Variants in ZFAT observed in about 807,000 individuals in gnomAD.
ZFAT encodes the protein zinc finger protein ZFAT.
A neutral mutation model predicts 117.7 loss-of-function variants in ZFAT; 64 were observed. That is an observed-to-expected ratio of 0.54 (90% CI 0.44 to 0.67). The LOEUF (loss-of-function observed/expected upper bound fraction) is 0.67, where lower values mean the gene tolerates loss of function less well. Among genes scored for constraint, ZFAT ranks in the 30% least tolerant of loss-of-function variants. ZFAT has a pLI of 0.00. For synonymous variants in ZFAT, 679 were observed against 615.0 expected, an observed-to-expected ratio of 1.10 and a Z score of -1.54; for missense variants, 1,433 against 1,584.5, an observed-to-expected ratio of 0.90 and a Z score of 1.62.
chr8:134,633,069 G>A (rs373458039), intron 3 of ZFAT, among the ~76,000 whole-genome samples: 17 of 151,818 alleles, frequency 1.1e-4, no homozygotes, highest in African/African-American at 2.2e-4. Flanking sequence ...ATACGTATGC[G>A]CGTCAAAATG....
At chr8:134,755,618 C>G in the ZFAT span, among the ~76,000 whole-genome samples, 4 of 151,708 alleles carry the variant, frequency 2.6e-5, no homozygotes, top group African/African-American at 9.7e-5. Flanking sequence ...TCAAGACCAG[C>G]CTGTCCAACA....
At chr8:134,802,976 A>C in the ZFAT span, among the ~76,000 whole-genome samples, 1 of 152,200 alleles carries the variant, frequency 6.6e-6, no homozygotes, top group Non-Finnish European at 1.5e-5. Context: ...GGCTGTACCT[A>C]TGTATTATAC....
chr8:134,601,249 C>T (rs1408863245), intron 6 of ZFAT, among the ~76,000 whole-genome samples: 1 of 152,210 alleles, frequency 6.6e-6, no homozygotes, highest in Non-Finnish European at 1.5e-5. Context: ...ACCCTCAGCA[C>T]ACACACCTGA....
the ZFAT span, among the ~76,000 whole-genome samples, chr8:134,732,660 T>C: frequency 6.6e-6 from 1 of 152,192 alleles, no homozygotes; most frequent in Admixed American, 6.5e-5. Context: ...TAGTTAAAAA[T>C]TAGGAGCGTT....
chr8:134,688,389 A>G (rs1404060630), intron 1 of ZFAT, among the ~76,000 whole-genome samples: 1 of 152,202 alleles, frequency 6.6e-6, no homozygotes, highest in African/African-American at 2.4e-5. Flanking sequence ...GCACACAAAC[A>G]TACACTTTCT....
the ZFAT span, among the ~76,000 whole-genome samples, chr8:134,764,173 C>T: frequency 2.8e-4 from 42 of 152,366 alleles, no homozygotes; most frequent in African/African-American, 9.1e-4. Flanking sequence ...GAAGACCCCA[C>T]TGGTCTCACA....
the ZFAT span, among the ~76,000 whole-genome samples, chr8:134,832,052 G>C: frequency 6.7e-6 from 1 of 149,066 alleles, no homozygotes; most frequent in African/African-American, 2.4e-5. Context: ...CGCTCCCAGC[G>C]CCCCGCGCCC....
chr8:134,521,001 C>T lies in ZFAT; in HGVS notation c.3116G>A (p.Gly1039Asp). The T allele has an allele frequency of 6.2e-7, 1 of 1,610,156 alleles. No homozygotes were observed. Among genetic ancestry groups the T allele is most frequent in the Non-Finnish European group, 8.5e-7 (1 of 1,177,990 alleles). Residue 1039 changes from glycine to aspartate, a missense_variant and splice_region_variant, in exon 13 of 16, where the codon GGT (glycine) becomes GAT (aspartate). Around this residue, in one of 5 missense-constraint regions of ZFAT, gnomAD observed 503 missense variants for 543.4 expected, o/e 0.93. Transcript: ENST00000377838. Reference protein sequence around the residue: ...ELAAEVLIQQGGLKCPVCSFV... With the variant: ...ELAAEVLIQQDGLKCPVCSFV... Reference sequence around the variant, plus strand: ...GCTGCAAACAGGACACTTCAAACCACCTGAAAGCACAGACAGAGGTTAAAA... The same window carrying T: ...GCTGCAAACAGGACACTTCAAACCATCTGAAAGCACAGACAGAGGTTAAAA...
chr8:134,803,695 T>C, the ZFAT span, among the ~76,000 whole-genome samples: 2 of 152,240 alleles, frequency 1.3e-5, no homozygotes, highest in African/African-American at 4.8e-5. Context: ...GGATAAAAGA[T>C]AAGAGGCAAC....
intron 2 of ZFAT, among the ~76,000 whole-genome samples, chr8:134,652,115 C>G (rs1831281514): frequency 6.6e-6 from 1 of 152,198 alleles, no homozygotes; most frequent in African/African-American, 2.4e-5. Flanking sequence ...GTCAGGAGTT[C>G]AAGACCAGCC....
chr8:134,603,222 C>A (rs996689211), intron 5 of ZFAT, among the ~76,000 whole-genome samples: 9 of 152,130 alleles, frequency 5.9e-5, no homozygotes, highest in Non-Finnish European at 1.3e-4. Flanking sequence ...AAAGAGACCT[C>A]TAACCTGGAT....
chr8:134,550,561 G>C (rs1441059507), intron 11 of ZFAT, among the ~76,000 whole-genome samples: 1 of 152,190 alleles, frequency 6.6e-6, no homozygotes, highest in Non-Finnish European at 1.5e-5. Flanking sequence ...TTTTGTGCAA[G>C]CTTAGAAGAC....
chr8:134,791,373 A>G, the ZFAT span, among the ~76,000 whole-genome samples: 1 of 152,100 alleles, frequency 6.6e-6, no homozygotes, highest in Non-Finnish European at 1.5e-5. Context: ...TAGTCAGGCC[A>G]TATCTCTTGC....
At chr8:134,524,532 A>C (rs1820887499) in intron 12 of ZFAT, among the ~76,000 whole-genome samples, 1 of 152,182 alleles carries the variant, frequency 6.6e-6, no homozygotes, top group African/African-American at 2.4e-5. Flanking sequence ...AACTATGGAC[A>C]ATTTTCCTCC....
intron 1 of ZFAT, 102 bp downstream of exon 1, chr8:134,712,743 G>C (rs1171309222): frequency 1.7e-6 from 2 of 1,192,042 alleles, no homozygotes; most frequent in African/African-American, 1.7e-5. Flanking sequence ...GCGGCCGGCG[G>C]CCGGCGCACT....
chr8:134,817,394 TACACACACACACA>T, the ZFAT span, among the ~76,000 whole-genome samples: 632 of 126,070 alleles, frequency 5.0e-3, 3 homozygotes, highest in African/African-American at 0.017. Context: ...TCTCTCTCTC[TACACACACACACA>T]CACACACACA....
At chr8:134,493,812 A>G (rs970720596) in intron 15 of ZFAT, among the ~76,000 whole-genome samples, 4 of 152,038 alleles carry the variant, frequency 2.6e-5, no homozygotes, top group African/African-American at 7.2e-5. Flanking sequence ...TCCCCTCCAC[A>G]CCATCATGCC....
chr8:134,577,885 G>C (rs1006715644), intron 10 of ZFAT, among the ~76,000 whole-genome samples: 4 of 152,170 alleles, frequency 2.6e-5, no homozygotes, highest in Admixed American at 2.6e-4. Flanking sequence ...ACTAGAGAAA[G>C]ATAAGCCAAG....
chr8:134,650,363 T>C (rs1252203097), intron 2 of ZFAT, among the ~76,000 whole-genome samples: 1 of 152,032 alleles, frequency 6.6e-6, no homozygotes, highest in Admixed American at 6.6e-5. Flanking sequence ...CCTGACCTCA[T>C]GATCCGCCCA....
Sources: allele counts gnomAD v4.1 joint callset (sites outside exome capture counted in the v4.1 genomes callset), GRCh38; gene constraint gnomAD v4.1.1; regional missense constraint gnomAD v4.1.1; transcripts MANE v1.5; gene names NCBI Gene and HGNC (gene_info 2026-07-23, HGNC 2026-07-21).